RYR2: variants seen among roughly 807,000 people sequenced by gnomAD.
RYR2 encodes the protein ryanodine receptor 2, also known as cardiac muscle ryanodine receptor-calcium release channel.
Under a neutral mutation model 601.1 loss-of-function variants are expected in RYR2, and 227 were observed. That is an observed-to-expected ratio of 0.38 (90% CI 0.34 to 0.42). The LOEUF is 0.42. Among genes scored for constraint, RYR2 ranks in the 10% least tolerant of loss-of-function variants. The probability of loss-of-function intolerance (pLI) is 1.00; values close to 1 mark genes in which losing one functional copy is unlikely to be tolerated. For missense variants in RYR2, 4,646 were observed against 6,156.5 expected (o/e 0.75, Z 8.21); for synonymous variants, 2,223 against 2,175.1 (o/e 1.02, Z -0.61).
At chr1:237,770,707 C>A in intron 84 of RYR2, 100 bp from the exon 85 acceptor site, 1 of 741,002 alleles carries the variant, frequency 1.3e-6, no homozygotes, top group Non-Finnish European at 2.4e-6. Context: ...TGGTTCAGAA[C>A]AATGCTAGAT....
intron 1 of RYR2, among the ~76,000 whole-genome samples, chr1:237,056,092 T>C (rs2148190078): frequency 6.7e-6 from 1 of 149,304 alleles, no homozygotes; most frequent in Middle Eastern, 3.6e-3. Flanking sequence ...CTGTGAGGAC[T>C]GGAGCATTGC....
intron 8 of RYR2, among the ~76,000 whole-genome samples, chr1:237,385,125 G>A (rs1344130435): frequency 6.6e-6 from 1 of 151,944 alleles, no homozygotes; most frequent in African/African-American, 2.4e-5. Context: ...TCCTGACCTC[G>A]TGATCCACCT....
chr1:237,792,941 C>G (rs1658642180), intron 94 of RYR2, among the ~76,000 whole-genome samples: 1 of 152,286 alleles, frequency 6.6e-6, no homozygotes, highest in Non-Finnish European at 1.5e-5. Context: ...TCACACTTCA[C>G]CCAGAAAATA....
intron 1 of RYR2, among the ~76,000 whole-genome samples, chr1:237,114,279 C>T (rs1330343632): frequency 6.6e-6 from 1 of 152,170 alleles, no homozygotes; most frequent in Non-Finnish European, 1.5e-5. Context: ...TTTCTTCCTA[C>T]TTATTGAAAA....
In RYR2 at chr1:237,569,071, C is replaced by T. The variant is rs555392300; in HGVS notation, c.3424-74C>T. ...TTGATAGAAGGGACTGCTGTTAGGT[C>T]GTGACAGAGTGGTGGGTGGGTGCGA... On this transcript the variant is annotated intron_variant, in intron 28 of 104. Transcript: ENST00000366574. 2.4e-4 allele frequency: 332 copies of T among 1,366,846 alleles called. 1 individual carries two copies. The highest frequency in any genetic ancestry group is 7.1e-4 in the Admixed American group (34 of 47,694). 84.7% of individuals were successfully genotyped at this position (1,366,846 alleles called of 1,614,324 possible).
intron 3 of RYR2, among the ~76,000 whole-genome samples, chr1:237,339,701 G>A (rs548503396): frequency 6.6e-6 from 1 of 152,290 alleles, no homozygotes; most frequent in Non-Finnish European, 1.5e-5. Flanking sequence ...GATTTCTGTA[G>A]TTCTCTTTGC....
intron 25 of RYR2, among the ~76,000 whole-genome samples, chr1:237,534,145 A>G (rs767527990): frequency 1.8e-4 from 28 of 152,094 alleles, no homozygotes; most frequent in Non-Finnish European, 3.5e-4. Flanking sequence ...CACACTAGGC[A>G]ATACTGCTCA....
At chr1:237,744,902 T>C (rs1262414738) in intron 80 of RYR2, among the ~76,000 whole-genome samples, 1 of 151,192 alleles carries the variant, frequency 6.6e-6, no homozygotes, top group African/African-American at 2.4e-5. Context: ...GTTCAAACAG[T>C]TCCCCTGCCT....
chr1:237,623,284 A>T (rs2148644383), intron 38 of RYR2, among the ~76,000 whole-genome samples: 1 of 151,706 alleles, frequency 6.6e-6, no homozygotes, highest in South Asian at 2.1e-4. Context: ...TGTGATGGAC[A>T]CCTGTGGAGG....
chr1:237,697,742 A>G (rs1687621117), intron 63 of RYR2, among the ~76,000 whole-genome samples: 1 of 151,810 alleles, frequency 6.6e-6, no homozygotes, highest in South Asian at 2.1e-4. Flanking sequence ...CATCAAATGA[A>G]TACTTCTAAG....
intron 80 of RYR2, among the ~76,000 whole-genome samples, chr1:237,755,834 A>C (rs1692906570): frequency 6.6e-6 from 1 of 152,154 alleles, no homozygotes. Context: ...ACTTCAAGAC[A>C]TCTCAGTTAA....
In RYR2 at chr1:237,308,669, G is replaced by A. The variant is rs556792258; in HGVS notation, c.169-22209G>A. 3.9e-5 allele frequency among the ~76,000 whole-genome samples: 6 copies of A among 152,272 alleles called. No individual in the cohort carries two copies. The South Asian group carries it at 1.2e-3, about 32-fold the overall frequency. On this transcript the variant is annotated intron_variant, in intron 2 of 104. Coordinates refer to ENST00000366574, the MANE Select transcript of RYR2 (RefSeq NM_001035.3). ...TTGCTGGCCTCATGAATAAAGCTGAGGACCTTAGCGGTGAGTGTTACAGCT... is the reference window on the plus strand; with the variant it reads ...TTGCTGGCCTCATGAATAAAGCTGAAGACCTTAGCGGTGAGTGTTACAGCT...
chr1:237,555,736 T>C (rs1326016386), intron 27 of RYR2, among the ~76,000 whole-genome samples: 4 of 152,046 alleles, frequency 2.6e-5, no homozygotes, highest in African/African-American at 9.7e-5. Context: ...TTTAAACTTA[T>C]AGATAATAAC....
At chr1:237,597,030 A>T (rs1165011840) in intron 34 of RYR2, among the ~76,000 whole-genome samples, 1 of 152,222 alleles carries the variant, frequency 6.6e-6, no homozygotes, top group Non-Finnish European at 1.5e-5. Context: ...AAGCAAAAGG[A>T]TGGTAATTAC....
intron 79 of RYR2, among the ~76,000 whole-genome samples, chr1:237,737,046 C>T (rs1691212160): frequency 6.6e-6 from 1 of 152,102 alleles, no homozygotes; most frequent in African/African-American, 2.4e-5. Context: ...GCTGAAGAAT[C>T]GAAGTGGGCT....
At chr1:237,551,168 T>C (rs909226468) in intron 27 of RYR2, among the ~76,000 whole-genome samples, 5 of 152,220 alleles carry the variant, frequency 3.3e-5, no homozygotes, top group Non-Finnish European at 7.3e-5. Flanking sequence ...TAACTAACTA[T>C]GTGTTGAACA....
chr1:237,162,543 C>T (rs1285312524), intron 1 of RYR2, among the ~76,000 whole-genome samples: 3 of 152,052 alleles, frequency 2.0e-5, no homozygotes, highest in African/African-American at 7.2e-5. Flanking sequence ...GTATTAACAA[C>T]ATAAAGTTGG....
At chr1:237,245,946 TA>T (rs71561862) in intron 1 of RYR2, among the ~76,000 whole-genome samples, 4,067 of 152,004 alleles carry the variant, frequency 0.027, 100 homozygotes, top group Non-Finnish European at 0.042. Flanking sequence ...TACACCCAAC[TA>T]ATTTTTGTAT....
chr1:237,108,704 AG>A (rs1159806392), intron 1 of RYR2, among the ~76,000 whole-genome samples: 1 of 152,198 alleles, frequency 6.6e-6, no homozygotes, highest in Non-Finnish European at 1.5e-5. Flanking sequence ...CCTGGCAATC[AG>A]GAATGGGAAA....
Sources: gnomAD v4.1 joint callset for allele counts (sites outside exome capture counted in the v4.1 genomes callset) on GRCh38, gnomAD v4.1.1 for gene constraint, MANE v1.5 for transcripts, NCBI Gene and HGNC (gene_info 2026-07-23, HGNC 2026-07-21) for gene names.